Variants in FBLN1 observed in about 807,000 individuals in gnomAD.
The protein encoded by FBLN1 is fibulin 1.
Under a neutral mutation model 89.7 loss-of-function variants are expected in FBLN1, and 34 were observed. The ratio of observed to expected loss-of-function variants is 0.38; its 90% CI spans 0.29 to 0.50. The LOEUF (loss-of-function observed/expected upper bound fraction) is 0.50, where lower values mean the gene tolerates loss of function less well. Among genes scored for constraint, FBLN1 ranks in the 20% least tolerant of loss-of-function variants. The probability of loss-of-function intolerance (pLI) is 0.92; values close to 1 mark genes in which losing one functional copy is unlikely to be tolerated. For missense variants in FBLN1, 777 were observed against 988.1 expected (o/e 0.79, Z 2.86); for synonymous variants, 393 against 391.3 (o/e 1.00, Z -0.05).
chr22:45,517,368 C>T (rs542556016), intron 1 of FBLN1: 57 of 347,618 alleles, frequency 1.6e-4, no homozygotes, highest in African/African-American at 1.2e-3. Flanking sequence ...AGTATGTGGG[C>T]ACCTGGCACC....
At chr22:45,508,280 G>A (rs1381784771) in intron 1 of FBLN1, among the ~76,000 whole-genome samples, 3 of 69,384 alleles carry the variant, frequency 4.3e-5, no homozygotes, top group East Asian at 1.0e-3. Flanking sequence ...GGACAGCCTC[G>A]CGTATCTTTT....
intron 1 of FBLN1, among the ~76,000 whole-genome samples, chr22:45,517,858 C>T (rs529297310): frequency 1.3e-5 from 2 of 152,150 alleles, no homozygotes; most frequent in South Asian, 2.1e-4. Context: ...AGGCTGGGTG[C>T]GGTGGCTTAT....
At chr22:45,520,030 TGTG>T (rs1278976559) in intron 2 of FBLN1, among the ~76,000 whole-genome samples, 1 of 151,912 alleles carries the variant, frequency 6.6e-6, no homozygotes, top group Non-Finnish European at 1.5e-5. Flanking sequence ...ATTAGCTGGT[TGTG>T]GTGGCGGGCG....
chr22:45,559,271 T>A (rs953074841), intron 14 of FBLN1, among the ~76,000 whole-genome samples: 5 of 152,212 alleles, frequency 3.3e-5, no homozygotes, highest in Admixed American at 3.3e-4. Context: ...TTGGTTAAAC[T>A]TACGATAATC....
chr22:45,528,130 C>A (rs951066204), intron 4 of FBLN1, 121 bp downstream of exon 4: 12 of 1,166,122 alleles, frequency 1.0e-5, no homozygotes, highest in Admixed American at 1.9e-5. Flanking sequence ...GTGGGGCTGG[C>A]AAGTCCAAAA....
chr22:45,580,958 A>C lies in FBLN1; in HGVS notation c.1972+3850A>C, dbSNP rs2147032826. 6.6e-6 allele frequency among the ~76,000 whole-genome samples: 1 copy of C among 152,354 alleles called. No individual in the cohort carries two copies. The highest frequency in any genetic ancestry group is 2.1e-4 in the South Asian group (1 of 4,824). ...GCATTCCTCTTTAACCGGCTGTCAAAGAAAAATGAAGAATGCGTTTTCGCC... is the reference window on the plus strand; with the variant it reads ...GCATTCCTCTTTAACCGGCTGTCAACGAAAAATGAAGAATGCGTTTTCGCC... On this transcript the variant is annotated intron_variant, in intron 16 of 16. Coordinates refer to ENST00000327858, the MANE Select transcript of FBLN1 (RefSeq NM_006486.3). This position sits in a 1 kb window ranked among gnomAD's most constrained non-coding sequence, Gnocchi z 8.6.
intron 1 of FBLN1, among the ~76,000 whole-genome samples, chr22:45,510,458 T>C (rs955297498): frequency 6.6e-6 from 1 of 152,102 alleles, no homozygotes; most frequent in African/African-American, 2.4e-5. Context: ...GGGAAAACTC[T>C]CAACCATGAG....
At position 45,558,062 on chromosome 22, in the gene FBLN1, C is replaced by T. The variant is rs1181646978; in HGVS notation, c.1697+7447C>T. 1.5e-5 allele frequency: 11 copies of T among 716,590 alleles called. No individual in the cohort carries two copies. In the Admixed American group the frequency reaches 2.0e-4, roughly 13 times the overall value. The allele number at this position is 716,590 out of a possible 1,614,324, so 44.4% of individuals were successfully genotyped here. A position where few individuals can be genotyped will look rare whatever the true frequency, so the allele number is the denominator to read the frequency against. On this transcript the variant is annotated intron_variant, in intron 14 of 16. Coordinates refer to ENST00000327858, the MANE Select transcript of FBLN1 (RefSeq NM_006486.3). ...TGAACCAGGCCCTAGTCTTCTCTTC[C>T]TCTGTCAGATGATCGTAGGGAACTC... is the stretch of plus-strand genomic sequence containing the variant.
intron 2 of FBLN1, chr22:45,523,000 T>C (rs2088270807): frequency 3.6e-6 from 2 of 560,384 alleles, no homozygotes; most frequent in Non-Finnish European, 6.7e-6. Context: ...AAGTAATAAG[T>C]CCGTCTGATG....
chr22:45,504,364 G>A (rs182904956), intron 1 of FBLN1, among the ~76,000 whole-genome samples: 1 of 152,116 alleles, frequency 6.6e-6, no homozygotes, highest in African/African-American at 2.4e-5. Flanking sequence ...GTGGGGAGGC[G>A]CAGAGCTCAG....
chr22:45,552,422 C>G (rs183821629), intron 14 of FBLN1, among the ~76,000 whole-genome samples: 10 of 152,350 alleles, frequency 6.6e-5, no homozygotes, highest in Non-Finnish European at 1.3e-4. Flanking sequence ...ACTCCCGGGA[C>G]TGATAGTGAG....
chr22:45,583,533 A>C lies in FBLN1; in HGVS notation c.1972+6425A>C, dbSNP rs2147034813. On this transcript the variant is annotated intron_variant, in intron 16 of 16. Coordinates refer to ENST00000327858, the MANE Select transcript of FBLN1 (RefSeq NM_006486.3). The surrounding 1 kb of genome is among the most constrained non-coding windows in gnomAD (Gnocchi z 4.5). ...CACACAGTGGGTGCACAGGATGTAA[A>C]TACTGATGGAAACCTAAATGTTCTG... 6.6e-6 allele frequency among the ~76,000 whole-genome samples: 1 copy of C among 152,344 alleles called. No individual in the cohort carries two copies. Among genetic ancestry groups the C allele is most frequent in the African/African-American group, 2.4e-5 (1 of 41,582 alleles).
At chr22:45,516,889 C>T (rs1432727439) in intron 1 of FBLN1, among the ~76,000 whole-genome samples, 1 of 152,194 alleles carries the variant, frequency 6.6e-6, no homozygotes, top group Non-Finnish European at 1.5e-5. Flanking sequence ...GGTGAGACCC[C>T]CCTCCTCCTG....
In FBLN1 at chr22:45,575,598, G is replaced by C. The variant is rs2088990179; in HGVS notation, c.1840+945G>C. Among the ~76,000 whole-genome samples, 1 of 152,180 alleles carries C rather than the reference G, an allele frequency of 6.6e-6. No individual in the cohort carries two copies. Among genetic ancestry groups the C allele is most frequent in the Non-Finnish European group, 1.5e-5 (1 of 68,026 alleles). Reference sequence around the variant, plus strand: ...AGGGCCAGGTGAACTGGAGGGGCCAGACGGGGAGCAGGAAGCTCAGGTGTA... The same window carrying C: ...AGGGCCAGGTGAACTGGAGGGGCCACACGGGGAGCAGGAAGCTCAGGTGTA... On this transcript the variant is annotated intron_variant, in intron 15 of 16. Coordinates refer to ENST00000327858, the MANE Select transcript of FBLN1 (RefSeq NM_006486.3). The surrounding 1 kb of genome is among the most constrained non-coding windows in gnomAD (Gnocchi z 6.3).
intron 7 of FBLN1, among the ~76,000 whole-genome samples, chr22:45,534,455 C>T (rs1190443316): frequency 6.6e-6 from 1 of 152,238 alleles, no homozygotes; most frequent in East Asian, 1.9e-4. Flanking sequence ...CCTTTCCCCG[C>T]CAAGCCTTAG....
intron 1 of FBLN1, among the ~76,000 whole-genome samples, chr22:45,512,434 G>C (rs927712562): frequency 2.0e-5 from 3 of 152,072 alleles, no homozygotes; most frequent in Non-Finnish European, 4.4e-5. Context: ...ACCCCAGCCT[G>C]GCCGAGAGTC....
At chr22:45,535,163 C>G in intron 7 of FBLN1, 37 bp from the exon 8 acceptor site, 1 of 1,613,506 alleles carries the variant, frequency 6.2e-7, no homozygotes, top group Non-Finnish European at 8.5e-7. Context: ...TCTGGCAGGA[C>G]TCTTGCTAAC....
Position 45,514,636 on chromosome 22 carries a change from A to T in FBLN1, c.80-4046A>T, listed in dbSNP as rs542915963. Among the ~76,000 whole-genome samples the T allele has an allele frequency of 5.3e-5, 8 of 152,246 alleles. No individual in the cohort carries two copies. The South Asian group carries it at 1.2e-3, about 24-fold the overall frequency. On this transcript the variant is annotated intron_variant, in intron 1 of 16. Coordinates refer to ENST00000327858, the MANE Select transcript of FBLN1 (RefSeq NM_006486.3). Reference sequence around the variant, plus strand: ...GGAGGCTTGTTTGTGGGGGCAGAGGATCTTGCCCCAGCAGCCTTTGCATGT... The same window carrying T: ...GGAGGCTTGTTTGTGGGGGCAGAGGTTCTTGCCCCAGCAGCCTTTGCATGT...
Position 45,563,153 on chromosome 22 carries a change from C to T in FBLN1, c.1698-11358C>T, listed in dbSNP as rs1282547360. On this transcript the variant is annotated intron_variant, in intron 14 of 16. Coordinates refer to ENST00000327858, the MANE Select transcript of FBLN1 (RefSeq NM_006486.3). This position sits in a 1 kb window ranked among gnomAD's most constrained non-coding sequence, Gnocchi z 5.7. ...CAGTGGGGTGGTGGCCCTCACCAAG[C>T]CTGTCCCCGAGCCCAGGGACTTGCT... is the stretch of plus-strand genomic sequence containing the variant. 3.7e-6 allele frequency: 6 copies of T among 1,613,550 alleles called. No individual in the cohort carries two copies. The Admixed American group carries it at 6.7e-5, about 18-fold the overall frequency.
Sources: allele counts gnomAD v4.1 joint callset (sites outside exome capture counted in the v4.1 genomes callset), GRCh38; gene constraint gnomAD v4.1.1; non-coding constraint Gnocchi (gnomAD v3.1); transcripts MANE v1.5; gene names NCBI Gene and HGNC (gene_info 2026-07-23, HGNC 2026-07-21).